Variants in MAMLD1 observed in about 807,000 individuals in gnomAD.
MAMLD1 encodes the protein mastermind like domain containing 1.
A neutral mutation model predicts 45.0 loss-of-function variants in MAMLD1; 14 were observed. That is an observed-to-expected ratio of 0.31 (90% CI 0.21 to 0.49). MAMLD1 has a LOEUF of 0.49. Ranked by LOEUF, MAMLD1 falls within the 20% of genes least tolerant of loss-of-function variation. MAMLD1 has a pLI of 0.99. For missense variants in MAMLD1, 543 were observed against 603.6 expected, an observed-to-expected ratio of 0.90 and a Z score of 1.05; for synonymous variants, 254 against 247.8, an observed-to-expected ratio of 1.02 and a Z score of -0.24.
chrX:150,397,794 A>G (rs2033482481), intron 1 of MAMLD1, among the ~76,000 whole-genome samples: 1 of 111,537 alleles, frequency 9.0e-6, no homozygotes, highest in African/African-American at 3.3e-5. Context: ...ATAATTCTCT[A>G]GCATTCTGGA....
intron 1 of MAMLD1, among the ~76,000 whole-genome samples, chrX:150,417,736 T>C (rs1557403173): frequency 9.2e-6 from 1 of 109,095 alleles, no homozygotes; most frequent in African/African-American, 3.3e-5. Flanking sequence ...ATTGTGGTTT[T>C]GATTTGCATT....
At chrX:150,489,369 T>C (rs1012513211) in intron 5 of MAMLD1, among the ~76,000 whole-genome samples, 2 of 110,323 alleles carry the variant, frequency 1.8e-5, no homozygotes, top group South Asian at 7.9e-4. Flanking sequence ...TGCATTCTCA[T>C]GTGATGGAAG....
intron 1 of MAMLD1, among the ~76,000 whole-genome samples, chrX:150,365,449 T>C (rs1406478831): frequency 8.9e-6 from 1 of 112,895 alleles, no homozygotes; most frequent in Non-Finnish European, 1.9e-5. Flanking sequence ...GCAGAGGCCC[T>C]AGGCTGCAAG....
At chrX:150,450,839 T>C (rs2035639696) in intron 2 of MAMLD1, among the ~76,000 whole-genome samples, 1 of 112,644 alleles carries the variant, frequency 8.9e-6, no homozygotes, top group Non-Finnish European at 1.9e-5. Flanking sequence ...GTGAGCATTC[T>C]GGGTCAAGGG....
At chrX:150,395,339 T>G (rs2033372984) in intron 1 of MAMLD1, among the ~76,000 whole-genome samples, 1 of 112,035 alleles carries the variant, frequency 8.9e-6, no homozygotes, top group Non-Finnish European at 1.9e-5. Flanking sequence ...TCATCAGTAT[T>G]TCATTGAACA....
intron 1 of MAMLD1, among the ~76,000 whole-genome samples, chrX:150,439,341 T>C (rs1557404415): frequency 8.9e-6 from 1 of 112,065 alleles, no homozygotes; most frequent in Admixed American, 9.5e-5. Context: ...TTTTATGAAG[T>C]CCAATTTATC....
intron 3 of MAMLD1, among the ~76,000 whole-genome samples, chrX:150,465,115 A>ACC (rs1557405820): frequency 8.9e-6 from 1 of 112,074 alleles, no homozygotes; most frequent in East Asian, 2.8e-4. Flanking sequence ...AACAGTGCAT[A>ACC]CCCTTTGCTG....
At position 150,367,829 on chromosome X, in the gene MAMLD1, G is replaced by A. The variant is rs1391335625; in HGVS notation, c.-64+4299G>A. 3.7e-3 allele frequency among the ~76,000 whole-genome samples: 405 copies of A among 110,102 alleles called. 1 individual carries two copies. Among genetic ancestry groups the A allele is most frequent in the Non-Finnish European group, 6.0e-3 (315 of 52,718 alleles). ...GCGGTGTTTGGTTTTTTGTCCTTGC[G>A]ATAGTTTGCTGAGAATGATGGTTTC... On this transcript the variant is annotated intron_variant, in intron 1 of 7. Coordinates refer to ENST00000370401, the MANE Select transcript of MAMLD1 (RefSeq NM_005491.5).
chrX:150,489,231 G>A (rs1238198207), intron 5 of MAMLD1, among the ~76,000 whole-genome samples: 2 of 111,058 alleles, frequency 1.8e-5, no homozygotes, highest in Non-Finnish European at 3.8e-5. Context: ...CCATAGGCTG[G>A]GTGGCTTAGA....
Position 150,513,672 on chromosome X carries a change from C to A in MAMLD1, c.*1713C>A. On this transcript the variant is annotated 3_prime_UTR_variant, in exon 8 of 8. Transcript: ENST00000370401. ...GCAGAAGCCGTTTTATCGTTAAGTG[C>A]CCCACAGAGACACTTTACCAGGAGG... 3.4e-6 allele frequency: 1 copy of A among 297,795 alleles called. No individual in the cohort carries two copies. The highest frequency in any genetic ancestry group is 2.0e-4 in the South Asian group (1 of 4,993). 24.5% of individuals were successfully genotyped at this position (297,795 alleles called of 1,213,427 possible). A position where few individuals can be genotyped will look rare whatever the true frequency, so the allele number is the denominator to read the frequency against.
At chrX:150,383,272 A>G (rs1192419783) in intron 1 of MAMLD1, among the ~76,000 whole-genome samples, 1 of 111,005 alleles carries the variant, frequency 9.0e-6, no homozygotes, top group Non-Finnish European at 1.9e-5. Flanking sequence ...GTTTTTTTAA[A>G]GAGAGAAAAG....
chrX:150,409,088 T>C (rs1188100434), intron 1 of MAMLD1, among the ~76,000 whole-genome samples: 1 of 111,562 alleles, frequency 9.0e-6, no homozygotes, highest in Admixed American at 9.4e-5. Flanking sequence ...GTCACTAAAT[T>C]TGCTCTGGCC....
chrX:150,428,973 A>G (rs2034816529), intron 1 of MAMLD1, among the ~76,000 whole-genome samples: 1 of 111,805 alleles, frequency 8.9e-6, no homozygotes, highest in Non-Finnish European at 1.9e-5. Flanking sequence ...AAGCCAAAGC[A>G]GCATTTTAAA....
In MAMLD1 at chrX:150,428,997, G is replaced by C. The variant is rs893460257; in HGVS notation, c.-63-16457G>C. On this transcript the variant is annotated intron_variant, in intron 1 of 7. Coordinates refer to ENST00000370401, the MANE Select transcript of MAMLD1 (RefSeq NM_005491.5). ...CAGCATTTTAAACCTTTTTTCTTTA[G>C]GGCTGAATGGGCAGCTTGCTTGAAG... Among the ~76,000 whole-genome samples the C allele has an allele frequency of 2.7e-5, 3 of 111,562 alleles. No homozygotes were observed. The East Asian group carries it at 8.5e-4, about 32-fold the overall frequency.
chrX:150,444,180 AG>A (rs782370093), intron 1 of MAMLD1, among the ~76,000 whole-genome samples: 1 of 111,747 alleles, frequency 8.9e-6, no homozygotes, highest in South Asian at 3.7e-4. Context: ...CGGATAGGGA[AG>A]GGCACCTCAT....
intron 1 of MAMLD1, among the ~76,000 whole-genome samples, chrX:150,433,733 C>T (rs978660197): frequency 4.5e-5 from 5 of 111,596 alleles, no homozygotes; most frequent in Non-Finnish European, 7.5e-5. Flanking sequence ...TATGTTGAAC[C>T]GACCTTGCAT....
At chrX:150,407,893 G>A (rs1158236995) in intron 1 of MAMLD1, among the ~76,000 whole-genome samples, 1 of 111,932 alleles carries the variant, frequency 8.9e-6, no homozygotes. Context: ...AAACCAAAAG[G>A]TAGCATGTGT....
At chrX:150,408,991 A>T (rs1217769969) in intron 1 of MAMLD1, among the ~76,000 whole-genome samples, 1 of 111,816 alleles carries the variant, frequency 8.9e-6, no homozygotes, top group African/African-American at 3.3e-5. Context: ...GAATGGCTAT[A>T]GAGTCGTGGG....
At chrX:150,457,231 G>C (rs1278057325) in intron 2 of MAMLD1, among the ~76,000 whole-genome samples, 1 of 112,415 alleles carries the variant, frequency 8.9e-6, no homozygotes, top group Non-Finnish European at 1.9e-5. Context: ...CTAGCAAAGG[G>C]CATGGTACAG....
Sources: allele counts gnomAD v4.1 joint callset (sites outside exome capture counted in the v4.1 genomes callset), GRCh38; gene constraint gnomAD v4.1.1; transcripts MANE v1.5; gene names NCBI Gene and HGNC (gene_info 2026-07-23, HGNC 2026-07-21).